The following BSDC1 variants were observed in gnomAD, a reference collection of about 807,000 sequenced individuals.
BSDC1 encodes BSD domain containing 1, also known as BSD domain-containing protein 1.
Under a neutral mutation model 56.0 loss-of-function variants are expected in BSDC1, and 29 were observed. The ratio of observed to expected loss-of-function variants is 0.52; its 90% CI spans 0.39 to 0.71. BSDC1 has a LOEUF of 0.71. Ranked by LOEUF, BSDC1 falls within the 30% of genes least tolerant of loss-of-function variation. The pLI is 0.00. For synonymous variants in BSDC1, 210 were observed against 215.3 expected, an observed-to-expected ratio of 0.98 and a Z score of 0.21; for missense variants, 477 against 548.5, an observed-to-expected ratio of 0.87 and a Z score of 1.30.
In BSDC1 at chr1:32,391,945, A is replaced by G. The variant is rs188515353; in HGVS notation, c.72+2135T>C. ...GTACTGTTCTTAGTGTTTTACATATATTAACATTTAACCATCACCACAATC... is the reference window on the plus strand; with the variant it reads ...GTACTGTTCTTAGTGTTTTACATATGTTAACATTTAACCATCACCACAATC... On this transcript the variant is annotated intron_variant, in intron 2 of 10. Transcript: ENST00000455895. Among the ~76,000 whole-genome samples, 283 of 152,340 alleles carry G rather than the reference A, an allele frequency of 1.9e-3. 1 individual carries two copies. Among genetic ancestry groups the G allele is most frequent in the Non-Finnish European group, 2.4e-3 (162 of 68,030 alleles).
In BSDC1 at chr1:32,378,300, A is replaced by T. The variant is rs527539072; in HGVS notation, c.529-17T>A. The stretch of plus-strand genomic sequence containing the variant: ...TGCTGGAACCTGGAGGGAGGGGAAA[A>T]TGGAGGTGAGACTTTGGGAGTGTTT... On this transcript the variant is annotated splice_polypyrimidine_tract_variant and intron_variant, in intron 6 of 10. Coordinates refer to ENST00000455895, the MANE Select transcript of BSDC1 (RefSeq NM_018045.8). This position sits in a 1 kb window ranked among gnomAD's most constrained non-coding sequence, Gnocchi z 5.2. 1 of 1,612,836 alleles carries T rather than the reference A, an allele frequency of 6.2e-7. No homozygotes were observed. The highest frequency in any genetic ancestry group is 1.7e-5 in the Admixed American group (1 of 60,008).
At chr1:32,380,173 G>A (rs1355496733) in intron 5 of BSDC1, among the ~76,000 whole-genome samples, 1 of 152,186 alleles carries the variant, frequency 6.6e-6, no homozygotes, top group Non-Finnish European at 1.5e-5. Flanking sequence ...GGCACACAAA[G>A]CTCTTCACAA....
In BSDC1 at chr1:32,376,255, G is replaced by A. The variant is rs1248340531; in HGVS notation, c.1156+7C>T. ...ACAACCCTCTGGGCTTGGACCTCCA[G>A]ACCTACCTTTCTTTCCATTGTTGGA... On this transcript the variant is annotated splice_region_variant and intron_variant, in intron 9 of 10. Coordinates refer to ENST00000455895, the MANE Select transcript of BSDC1 (RefSeq NM_018045.8). The A allele has an allele frequency of 6.7e-7, 1 of 1,489,428 alleles. No individual in the cohort carries two copies. The highest frequency in any genetic ancestry group is 1.4e-5 in the South Asian group (1 of 72,262). The allele number at this position is 1,489,428 out of a possible 1,614,324, so 92.3% of individuals were successfully genotyped here.
At chr1:32,373,051 C>A (rs751976769) in intron 9 of BSDC1, among the ~76,000 whole-genome samples, 1 of 152,200 alleles carries the variant, frequency 6.6e-6, no homozygotes, top group African/African-American at 2.4e-5. Flanking sequence ...GGCTAGGGTA[C>A]CCCAAGAGAC....
chr1:32,373,758 G>C (rs1642180137), intron 9 of BSDC1, among the ~76,000 whole-genome samples: 2 of 152,138 alleles, frequency 1.3e-5, no homozygotes, highest in Admixed American at 1.3e-4. Flanking sequence ...CTGGGCTCAA[G>C]CGATCCACCT....
intron 2 of BSDC1, among the ~76,000 whole-genome samples, chr1:32,392,232 C>CG (rs1429013484): frequency 6.6e-6 from 1 of 151,860 alleles, no homozygotes; most frequent in African/African-American, 2.4e-5. Flanking sequence ...CTCAGGAGGC[C>CG]GAGGCAGGAG....
intron 9 of BSDC1, 46 bp from the exon 10 acceptor site, chr1:32,368,596 G>A: frequency 6.2e-7 from 1 of 1,612,104 alleles, no homozygotes; most frequent in Non-Finnish European, 8.5e-7. Flanking sequence ...AGGCAGGGAA[G>A]GGGCACCTGA....
At chr1:32,390,207 A>C (rs969175310) in intron 2 of BSDC1, among the ~76,000 whole-genome samples, 8 of 152,070 alleles carry the variant, frequency 5.3e-5, no homozygotes, top group Non-Finnish European at 1.2e-4. Flanking sequence ...TCACTAAATT[A>C]CTCCAGTGAC....
chr1:32,372,188 T>C (rs1642117082), intron 9 of BSDC1, among the ~76,000 whole-genome samples: 1 of 152,244 alleles, frequency 6.6e-6, no homozygotes, highest in Non-Finnish European at 1.5e-5. Flanking sequence ...CAGAGTTATG[T>C]CATTCTGTAC....
intron 3 of BSDC1, 46 bp downstream of exon 3, chr1:32,386,733 C>T (rs981905741): frequency 1.4e-6 from 2 of 1,464,676 alleles, no homozygotes; most frequent in African/African-American, 2.8e-5. Context: ...CAGGACAGGA[C>T]AGGTTGCGAG....
At chr1:32,379,002 C>T (rs368627030) in intron 5 of BSDC1, among the ~76,000 whole-genome samples, 163 bp from the exon 6 acceptor site, 2 of 152,256 alleles carry the variant, frequency 1.3e-5, no homozygotes, top group African/African-American at 4.8e-5. Context: ...GGGCGGGTGC[C>T]GCACCTGAGT....
intron 2 of BSDC1, among the ~76,000 whole-genome samples, chr1:32,390,996 G>A (rs1173208522): frequency 6.6e-6 from 1 of 151,960 alleles, no homozygotes; most frequent in East Asian, 1.9e-4. Flanking sequence ...GACCCAGGAA[G>A]AGTTTGGAAA....
intron 2 of BSDC1, among the ~76,000 whole-genome samples, chr1:32,387,410 C>T (rs1016578783): frequency 2.6e-5 from 4 of 151,654 alleles, no homozygotes; most frequent in Admixed American, 6.6e-5. Context: ...GGCACGATCT[C>T]GGCTCACCGC....
chr1:32,393,054 A>G (rs1357760034), intron 2 of BSDC1, among the ~76,000 whole-genome samples: 1 of 152,106 alleles, frequency 6.6e-6, no homozygotes, highest in African/African-American at 2.4e-5. Flanking sequence ...ACAGAGTGAG[A>G]CTCTGTCTCA....
At chr1:32,367,557 T>G in intron 10 of BSDC1, 1 of 985,370 alleles carries the variant, frequency 1.0e-6, no homozygotes, top group Non-Finnish European at 1.2e-6. Context: ...ACTCATGTGG[T>G]TCTTATGTGA....
chr1:32,375,430 G>T (rs1642245902), intron 9 of BSDC1, among the ~76,000 whole-genome samples: 1 of 150,988 alleles, frequency 6.6e-6, no homozygotes, highest in Admixed American at 6.6e-5. Context: ...GTGGTGGGGG[G>T]ACTGGAGGGG....
rs1486741647 is a variant in BSDC1, at chr1:32,381,281, G to A, written c.358-13C>T. 1 of 1,613,072 alleles carries A rather than the reference G, an allele frequency of 6.2e-7. No individual in the cohort carries two copies. Among genetic ancestry groups the A allele is most frequent in the Non-Finnish European group, 8.5e-7 (1 of 1,179,530 alleles). On this transcript the variant is annotated splice_polypyrimidine_tract_variant and intron_variant, in intron 4 of 10. Transcript: ENST00000455895. ...TATAGAGGCGAGCCTGTAAGAAAAGGAGAAGAGGAAAACAGAAATTCTGAG... is the reference window on the plus strand; with the variant it reads ...TATAGAGGCGAGCCTGTAAGAAAAGAAGAAGAGGAAAACAGAAATTCTGAG...
rs547788412 is a variant in BSDC1, at chr1:32,367,056, G to A, written c.1261-402C>T. The A allele has an allele frequency of 2.5e-4, 248 of 998,320 alleles. 1 individual carries two copies. The African/African-American group carries it at 4.1e-3, about 16-fold the overall frequency. The allele number at this position is 998,320 out of a possible 1,614,324, so 61.8% of individuals were successfully genotyped here. On this transcript the variant is annotated intron_variant, in intron 10 of 10. Coordinates refer to ENST00000455895, the MANE Select transcript of BSDC1 (RefSeq NM_018045.8). ...CAGATACTTGGCCCTGGACACAAAA[G>A]ACCAGTGTAATCAAGGGCAAGTTAC... is the stretch of plus-strand genomic sequence containing the variant.
At position 32,381,282 on chromosome 1, in the gene BSDC1, A is replaced by C. The variant is rs779917637; in HGVS notation, c.358-14T>G. On this transcript the variant is annotated splice_polypyrimidine_tract_variant and intron_variant, in intron 4 of 10. Transcript: ENST00000455895. ...ATAGAGGCGAGCCTGTAAGAAAAGG[A>C]GAAGAGGAAAACAGAAATTCTGAGA... The C allele has an allele frequency of 3.7e-6, 6 of 1,613,076 alleles. No individual in the cohort carries two copies. In the Admixed American group the frequency reaches 1.0e-4, roughly 27 times the overall value.
Sources: allele counts gnomAD v4.1 joint callset (sites outside exome capture counted in the v4.1 genomes callset), GRCh38; gene constraint gnomAD v4.1.1; non-coding constraint Gnocchi (gnomAD v3.1); transcripts MANE v1.5; gene names NCBI Gene and HGNC (gene_info 2026-07-23, HGNC 2026-07-21).